The following PWWP3A variants were observed in gnomAD, a reference collection of about 807,000 sequenced individuals.
The protein encoded by PWWP3A is PWWP domain containing 3A, DNA repair factor.
A neutral mutation model predicts 79.0 loss-of-function variants in PWWP3A; 53 were observed. The ratio of observed to expected loss-of-function variants is 0.67; its 90% CI spans 0.54 to 0.84. PWWP3A has a LOEUF of 0.84. Ranked by LOEUF, PWWP3A falls within the 40% of genes least tolerant of loss-of-function variation. The pLI, the probability that PWWP3A is intolerant of heterozygous loss-of-function variation, is 0.00. For synonymous variants in PWWP3A, 443 were observed against 394.4 expected, an observed-to-expected ratio of 1.12 and a Z score of -1.46; for missense variants, 973 against 948.0, an observed-to-expected ratio of 1.03 and a Z score of -0.35.
rs2082414038 is a variant in PWWP3A at position 1,376,849 on chromosome 19, G to A, written c.*273G>A. On this transcript the variant is annotated 3_prime_UTR_variant, in exon 14 of 14. Coordinates refer to ENST00000591337, the MANE Select transcript of PWWP3A (RefSeq NM_001369789.1). Reference sequence around the variant, plus strand: ...GAAAGGCTTTTGAAAGGACGGAAGCGTATTCACTGTGCGCCAGTACTCCTG... The same window carrying A: ...GAAAGGCTTTTGAAAGGACGGAAGCATATTCACTGTGCGCCAGTACTCCTG... 1.1e-5 allele frequency: 4 copies of A among 364,790 alleles called. No homozygotes were observed. Among genetic ancestry groups the A allele is most frequent in the Non-Finnish European group, 1.0e-5 (2 of 200,356 alleles). 22.6% of individuals were successfully genotyped at this position (364,790 alleles called of 1,614,324 possible).
intron 6 of PWWP3A, 101 bp downstream of exon 6, chr19:1,362,452 C>T: frequency 1.2e-6 from 1 of 842,662 alleles, no homozygotes; most frequent in Non-Finnish European, 1.9e-6. Context: ...TGAAAGGTCT[C>T]CTGCGAGTTC....
At position 1,360,374 on chromosome 19, in the gene PWWP3A, G is replaced by A. The variant is rs2081983685; in HGVS notation, c.453G>A (p.Arg151=). ...TGTTGGGCAGTTCCAGACCTCACAG[G>A]AGGAGGCCATGTGTGCAACAAAGCC... ...GDVLGSSRPH[R]RRPCVQQSLS... is the part of the protein sequence containing the mutation. Residue 151 remains arginine, a synonymous_variant, in exon 5 of 14, where the codon AGG becomes AGA. Coordinates refer to ENST00000591337, the MANE Select transcript of PWWP3A (RefSeq NM_001369789.1). The surrounding 1 kb of genome is among the most constrained non-coding windows in gnomAD (Gnocchi z 4.4). 1.2e-6 allele frequency: 2 copies of A among 1,614,126 alleles called. No individual in the cohort carries two copies. Among genetic ancestry groups the A allele is most frequent in the South Asian group, 1.1e-5 (1 of 91,090 alleles).
At position 1,360,125 on chromosome 19, in the gene PWWP3A, G is replaced by A. The variant is rs368100557; in HGVS notation, c.215-11G>A. 2.4e-4 allele frequency: 364 copies of A among 1,539,178 alleles called. 1 individual carries two copies. The highest frequency in any genetic ancestry group is 9.1e-4 in the South Asian group (72 of 78,764). On this transcript the variant is annotated splice_polypyrimidine_tract_variant and intron_variant, in intron 4 of 13. Transcript: ENST00000591337. This position sits in a 1 kb window ranked among gnomAD's most constrained non-coding sequence, Gnocchi z 4.4. The stretch of plus-strand genomic sequence containing the variant: ...AACGTAACCGGCATTGTGTATGTTC[G>A]GTCCTTGCAGCCTCACAGAATGAGG...
intron 13 of PWWP3A, among the ~76,000 whole-genome samples, chr19:1,375,605 A>AAATGTATAATTTTATATAT (rs1568965992): frequency 4.6e-4 from 2 of 4,316 alleles, no homozygotes; most frequent in African/African-American, 7.0e-4. Flanking sequence ...ATATATTATA[A>AAATGTATAATTTTATATAT]TATATACAAT....
intron 13 of PWWP3A, chr19:1,373,531 G>A: frequency 4.5e-6 from 1 of 224,106 alleles, no homozygotes; most frequent in Non-Finnish European, 8.8e-6. Context: ...CAGCAGCACG[G>A]CCCGGTGCTT....
intron 12 of PWWP3A, among the ~76,000 whole-genome samples, chr19:1,371,805 CTTT>C (rs1237018248): frequency 1.9e-4 from 24 of 127,672 alleles, no homozygotes; most frequent in Admixed American, 1.0e-3. Context: ...AACCCTCAAG[CTTT>C]TTTTTTTTTT....
intron 7 of PWWP3A, among the ~76,000 whole-genome samples, chr19:1,365,024 G>A (rs2082098629): frequency 6.6e-6 from 1 of 152,212 alleles, no homozygotes; most frequent in South Asian, 2.1e-4. Context: ...GGAGGCTGAG[G>A]CAGGAGAATG....
rs2082208568 is a variant in PWWP3A, at chr19:1,369,655, A to G, written c.1549+9A>G. On this transcript the variant is annotated intron_variant, in intron 11 of 13. Transcript: ENST00000591337. This position sits in a 1 kb window ranked among gnomAD's most constrained non-coding sequence, Gnocchi z 4.0. ...TTACGCGGCTGATATAAGTAAGTCT[A>G]CAGGCACATCTTGGAAAATGTGGTT... 2 of 1,614,152 alleles carry G rather than the reference A, an allele frequency of 1.2e-6. No homozygotes were observed. The highest frequency in any genetic ancestry group is 1.7e-6 in the Non-Finnish European group (2 of 1,179,972).
chr19:1,370,857 C>A lies in PWWP3A; in HGVS notation c.1765C>A (p.Leu589Met). 6.4e-7 allele frequency: 1 copy of A among 1,563,702 alleles called. No individual in the cohort carries two copies. The highest frequency in any genetic ancestry group is 1.2e-5 in the South Asian group (1 of 85,070). Residue 589 changes from leucine (L) to methionine (M), a missense_variant, in exon 12 of 14, where the codon CTG becomes ATG. Coordinates refer to ENST00000591337, the MANE Select transcript of PWWP3A (RefSeq NM_001369789.1). ...GAAGGCCAAGGGCGCGGAGAGCCACCTGCGGGCCATCCTAAAGAGCAGGAA... is the reference window on the plus strand; with the variant it reads ...GAAGGCCAAGGGCGCGGAGAGCCACATGCGGGCCATCCTAAAGAGCAGGAA... Reference protein sequence around the residue: ...IVKAKGAESHLRAILKSRKPS... With the variant: ...IVKAKGAESHMRAILKSRKPS...
Position 1,362,395 on chromosome 19 carries a change from C to T in PWWP3A, c.1213+44C>T, listed in dbSNP as rs778619513. 22 of 1,524,226 alleles carry T rather than the reference C, an allele frequency of 1.4e-5. No individual in the cohort carries two copies. In the East Asian group the frequency reaches 2.5e-4, roughly 17 times the overall value. The allele number at this position is 1,524,226 out of a possible 1,614,324, so 94.4% of individuals were successfully genotyped here. Reference sequence around the variant, plus strand: ...GCGCCGGCAGTCCTAACGGTGCGCTCAGAGGCAGCGGCGGCGGGGCTCCGA... The same window carrying T: ...GCGCCGGCAGTCCTAACGGTGCGCTTAGAGGCAGCGGCGGCGGGGCTCCGA... On this transcript the variant is annotated intron_variant, in intron 6 of 13. Transcript: ENST00000591337.
chr19:1,374,821 C>T (rs1191614084), intron 13 of PWWP3A, among the ~76,000 whole-genome samples: 1 of 152,122 alleles, frequency 6.6e-6, no homozygotes. Context: ...GTGGGAGGAT[C>T]CTCTGAGCCC....
At position 1,369,855 on chromosome 19, in the gene PWWP3A, G is replaced by A. The variant is rs1316742922; in HGVS notation, c.1549+209G>A. ...CTGGTGTCCACTGGCACAGCATCCC[G>A]AGCCTGCCCTGGGGCCCTCATCCCA... On this transcript the variant is annotated intron_variant, in intron 11 of 13. Transcript: ENST00000591337. The surrounding 1 kb of genome is among the most constrained non-coding windows in gnomAD (Gnocchi z 4.0). Among the ~76,000 whole-genome samples the A allele has an allele frequency of 6.6e-6, 1 of 152,152 alleles. No individual in the cohort carries two copies. The highest frequency in any genetic ancestry group is 6.5e-5 in the Admixed American group (1 of 15,278).
chr19:1,367,286 G>T (rs867585745), intron 9 of PWWP3A, 66 bp downstream of exon 9: 35 of 1,348,340 alleles, frequency 2.6e-5, no homozygotes, highest in Middle Eastern at 3.6e-4. Flanking sequence ...TATGTCCTCT[G>T]TGTGTAGCTC....
chr19:1,366,616 T>G (rs898584581), intron 8 of PWWP3A, among the ~76,000 whole-genome samples: 1 of 152,146 alleles, frequency 6.6e-6, no homozygotes, highest in Non-Finnish European at 1.5e-5. Context: ...ACACCCCAGT[T>G]TTCACAACTT....
At chr19:1,375,804 TTATTTA>T (rs1319204053) in intron 13 of PWWP3A, among the ~76,000 whole-genome samples, 2 of 65,304 alleles carry the variant, frequency 3.1e-5, no homozygotes, top group Non-Finnish European at 6.3e-5. Context: ...ACATATGTAT[TTATTTA>T]TTTTTTTTTT....
At chr19:1,376,214 C>G (rs967518637) in intron 13 of PWWP3A, among the ~76,000 whole-genome samples, 3 of 150,218 alleles carry the variant, frequency 2.0e-5, no homozygotes, top group Admixed American at 6.6e-5. Flanking sequence ...CAAGCACCAC[C>G]TCCCGGTTTC....
intron 13 of PWWP3A, among the ~76,000 whole-genome samples, chr19:1,375,058 TAA>T (rs36062259): frequency 9.4e-5 from 13 of 137,804 alleles, no homozygotes; most frequent in Admixed American, 1.5e-4. Flanking sequence ...ATCTCTACTT[TAA>T]AAAAAAAAAA....
Position 1,376,710 on chromosome 19 carries a change from G to A in PWWP3A, c.*134G>A, listed in dbSNP as rs150855200. On this transcript the variant is annotated 3_prime_UTR_variant, in exon 14 of 14. Coordinates refer to ENST00000591337, the MANE Select transcript of PWWP3A (RefSeq NM_001369789.1). ...TGTCTGTGCGTTCTCCTGCGTGGCA[G>A]TCCTGATTTCCATGCTTCTGGAGAA... is the stretch of plus-strand genomic sequence containing the variant. 8 of 706,254 alleles carry A rather than the reference G, an allele frequency of 1.1e-5. No homozygotes were observed. Among genetic ancestry groups the A allele is most frequent in the African/African-American group, 9.1e-5 (5 of 55,152 alleles). 43.7% of individuals were successfully genotyped at this position (706,254 alleles called of 1,614,324 possible). A position where few individuals can be genotyped will look rare whatever the true frequency, so the allele number is the denominator to read the frequency against.
chr19:1,361,368 A>G (rs930254093), intron 5 of PWWP3A, among the ~76,000 whole-genome samples: 37 of 152,220 alleles, frequency 2.4e-4, no homozygotes, highest in African/African-American at 8.7e-4. Flanking sequence ...CTGCACCCCG[A>G]GGATTAACTC....
Sources: allele counts gnomAD v4.1 joint callset (sites outside exome capture counted in the v4.1 genomes callset), GRCh38; gene constraint gnomAD v4.1.1; non-coding constraint Gnocchi (gnomAD v3.1); transcripts MANE v1.5; gene names NCBI Gene and HGNC (gene_info 2026-07-23, HGNC 2026-07-21).